Variants in EIF4ENIF1 observed in about 807,000 individuals in gnomAD.
EIF4ENIF1 encodes the protein eukaryotic translation initiation factor 4E transporter.
Under a neutral mutation model 110.5 loss-of-function variants are expected in EIF4ENIF1, and 23 were observed. The observed-to-expected ratio is 0.21, with a 90% CI of 0.15 to 0.29. The LOEUF (loss-of-function observed/expected upper bound fraction) is 0.29, where lower values mean the gene tolerates loss of function less well. Ranked by LOEUF, EIF4ENIF1 falls within the 10% of genes least tolerant of loss-of-function variation. The probability of loss-of-function intolerance (pLI) is 1.00; values close to 1 mark genes in which losing one functional copy is unlikely to be tolerated. For missense variants in EIF4ENIF1, 1,031 were observed against 1,221.1 expected (o/e 0.84, Z 2.32); for synonymous variants, 440 against 437.0 (o/e 1.01, Z -0.09).
At chr22:31,456,412 A>G (rs1284867985) in intron 7 of EIF4ENIF1, among the ~76,000 whole-genome samples, 2 of 151,434 alleles carry the variant, frequency 1.3e-5, no homozygotes, top group Non-Finnish European at 2.9e-5. Flanking sequence ...TTTAGTAGAG[A>G]CGGGGTTTTA....
chr22:31,465,908 T>C (rs2051169210), intron 4 of EIF4ENIF1, among the ~76,000 whole-genome samples: 1 of 152,206 alleles, frequency 6.6e-6, no homozygotes, highest in Non-Finnish European at 1.5e-5. Context: ...ACAAGGAGTA[T>C]ATACTATAGT....
At chr22:31,455,739 G>C in intron 8 of EIF4ENIF1, 113 bp downstream of exon 8, 1 of 1,385,290 alleles carries the variant, frequency 7.2e-7, no homozygotes, top group Admixed American at 2.1e-5. Flanking sequence ...AGGCTTTTCA[G>C]TTGTCCAGAG....
intron 2 of EIF4ENIF1, among the ~76,000 whole-genome samples, chr22:31,482,346 G>A (rs1428136285): frequency 1.3e-5 from 2 of 152,144 alleles, no homozygotes; most frequent in Non-Finnish European, 2.9e-5. Context: ...GCAAAACACA[G>A]GAGCAAAGGA....
intron 5 of EIF4ENIF1, 117 bp from the exon 6 acceptor site, chr22:31,463,250 G>T: frequency 3.1e-6 from 3 of 955,572 alleles, no homozygotes; most frequent in Non-Finnish European, 4.6e-6. Context: ...GTATACCTGA[G>T]GCCCATCACC....
Position 31,439,812 on chromosome 22 carries a change from GAGATGA to G in EIF4ENIF1, c.*62_*67del. 4 of 1,578,312 alleles carry G rather than the reference GAGATGA, an allele frequency of 2.5e-6. No individual in the cohort carries two copies. The highest frequency in any genetic ancestry group is 3.4e-6 in the Non-Finnish European group (4 of 1,169,924). ...AAAGTAAAAGCCCATAAACCAACCCGAGATGAAGCAGGGTCCTGCCCAGTGTGCCAC... is the reference window on the plus strand; with the variant it reads ...AAAGTAAAAGCCCATAAACCAACCCGAGCAGGGTCCTGCCCAGTGTGCCAC... On this transcript the variant is annotated 3_prime_UTR_variant, in exon 19 of 19. Transcript: ENST00000330125.
upstream of EIF4ENIF1, among the ~76,000 whole-genome samples, chr22:31,490,785 T>G (rs1158058238): frequency 6.6e-6 from 1 of 152,180 alleles, no homozygotes; most frequent in Non-Finnish European, 1.5e-5. Flanking sequence ...CCTGTGGTAC[T>G]GCGCAGCGTT....
chr22:31,468,045 C>T (rs116970448), intron 4 of EIF4ENIF1, 130 bp downstream of exon 4: 51 of 1,363,684 alleles, frequency 3.7e-5, no homozygotes, highest in African/African-American at 1.7e-4. Context: ...AAAATCCAAC[C>T]GATAAATCAG....
At chr22:31,458,245 A>C (rs868764112) in intron 7 of EIF4ENIF1, among the ~76,000 whole-genome samples, 8 of 151,222 alleles carry the variant, frequency 5.3e-5, no homozygotes, top group Admixed American at 1.3e-4. Flanking sequence ...AAAAAACAAC[A>C]AAAAAAGAAT....
chr22:31,452,330 T>G (rs547481803), intron 10 of EIF4ENIF1, among the ~76,000 whole-genome samples: 6 of 152,360 alleles, frequency 3.9e-5, no homozygotes, highest in Non-Finnish European at 5.9e-5. Flanking sequence ...TTACTTTCCT[T>G]GTTGTATTCT....
chr22:31,443,271 G>C (rs2050360330), intron 15 of EIF4ENIF1, 177 bp from the exon 16 acceptor site: 1 of 804,782 alleles, frequency 1.2e-6, no homozygotes, highest in Admixed American at 2.9e-5. Flanking sequence ...AATAGGCAGT[G>C]TCCCAAGTAC....
intron 6 of EIF4ENIF1, among the ~76,000 whole-genome samples, chr22:31,462,400 G>A (rs578022811): frequency 3.4e-4 from 52 of 151,552 alleles, no homozygotes; most frequent in Non-Finnish European, 6.5e-4. Context: ...GGGAAGAATC[G>A]CTTGAACCAA....
chr22:31,454,482 G>C, intron 9 of EIF4ENIF1, 106 bp from the exon 10 acceptor site: 1 of 937,844 alleles, frequency 1.1e-6, no homozygotes, highest in Non-Finnish European at 1.6e-6. Context: ...TTTCAAAATT[G>C]AGATGAGACT....
At chr22:31,466,702 A>G (rs1325677323) in intron 4 of EIF4ENIF1, among the ~76,000 whole-genome samples, 1 of 152,022 alleles carries the variant, frequency 6.6e-6, no homozygotes, top group Admixed American at 6.6e-5. Context: ...GGGGGTGATA[A>G]AAATGCTTAT....
chr22:31,449,854 C>T (rs1569071679), intron 11 of EIF4ENIF1, among the ~76,000 whole-genome samples: 1 of 151,960 alleles, frequency 6.6e-6, no homozygotes, highest in Non-Finnish European at 1.5e-5. Context: ...CCTCAGCCTC[C>T]TAAGGAGTTG....
At chr22:31,437,870 C>T (rs924401607), downstream of EIF4ENIF1, 4 of 152,190 alleles carry the variant, frequency 2.6e-5, no homozygotes, top group African/African-American at 9.7e-5. Context: ...GGGTCTATTT[C>T]TGAAGCTGAG....
At chr22:31,447,729 A>G (rs1216523359) in intron 13 of EIF4ENIF1, among the ~76,000 whole-genome samples, 164 bp from the exon 14 acceptor site, 1 of 152,248 alleles carries the variant, frequency 6.6e-6, no homozygotes, top group African/African-American at 2.4e-5. Flanking sequence ...CAAGATTAAC[A>G]ATTTAAGTAT....
At chr22:31,449,632 C>T in intron 11 of EIF4ENIF1, 101 bp from the exon 12 acceptor site, 1 of 1,070,408 alleles carries the variant, frequency 9.3e-7, no homozygotes, top group Non-Finnish European at 1.3e-6. Flanking sequence ...ATGGATCTCC[C>T]TCATGCTCAA....
intron 12 of EIF4ENIF1, among the ~76,000 whole-genome samples, chr22:31,449,021 A>AT (rs982900305): frequency 5.3e-5 from 8 of 152,082 alleles, no homozygotes; most frequent in African/African-American, 1.7e-4. Flanking sequence ...ATATTTATTT[A>AT]TTTTTTTGAG....
At chr22:31,465,747 C>T (rs1310561820) in intron 4 of EIF4ENIF1, among the ~76,000 whole-genome samples, 1 of 152,154 alleles carries the variant, frequency 6.6e-6, no homozygotes, top group African/African-American at 2.4e-5. Context: ...GGTTATTTAA[C>T]AGTCAAAAAC....
Sources: allele counts gnomAD v4.1 joint callset (sites outside exome capture counted in the v4.1 genomes callset), GRCh38; gene constraint gnomAD v4.1.1; transcripts MANE v1.5; gene names NCBI Gene and HGNC (gene_info 2026-07-23, HGNC 2026-07-21).